The following DCC variants were observed in gnomAD, a reference collection of about 807,000 sequenced individuals.
The protein encoded by DCC is netrin receptor DCC.
Under a neutral mutation model 172.5 loss-of-function variants are expected in DCC, and 58 were observed. The ratio of observed to expected loss-of-function variants is 0.34; its 90% CI spans 0.27 to 0.42. DCC has a LOEUF of 0.42. DCC is among the 10% of genes least tolerant of loss of function. The pLI is 1.00. For missense variants in DCC, 1,740 were observed against 1,791.0 expected (o/e 0.97, Z 0.51); for synonymous variants, 709 against 644.5 (o/e 1.10, Z -1.52).
At chr18:52,886,601 G>A (rs939306414) in intron 2 of DCC, among the ~76,000 whole-genome samples, 3 of 152,088 alleles carry the variant, frequency 2.0e-5, no homozygotes, top group African/African-American at 7.2e-5. Context: ...CGTATTCGTT[G>A]TCTTTTTTCC....
chr18:53,525,436 G>A (rs947858013), intron 27 of DCC, among the ~76,000 whole-genome samples: 1 of 152,024 alleles, frequency 6.6e-6, no homozygotes, highest in East Asian at 1.9e-4. Context: ...GATCCCTAAA[G>A]TTCAAGAGTG....
chr18:52,692,689 C>T (rs896890398), intron 1 of DCC, among the ~76,000 whole-genome samples: 1 of 152,138 alleles, frequency 6.6e-6, no homozygotes, highest in Non-Finnish European at 1.5e-5. Flanking sequence ...GCCTTGGTCT[C>T]CCAAAGAATT....
intron 15 of DCC, among the ~76,000 whole-genome samples, chr18:53,340,484 G>A (rs1436322038): frequency 6.6e-6 from 1 of 152,078 alleles, no homozygotes; most frequent in East Asian, 1.9e-4. Flanking sequence ...ACTCCATCCT[G>A]CATGTTTCCC....
At chr18:53,485,070 C>T (rs2045885692) in intron 25 of DCC, among the ~76,000 whole-genome samples, 1 of 151,906 alleles carries the variant, frequency 6.6e-6, no homozygotes, top group Admixed American at 6.6e-5. Context: ...GAGACCTAAC[C>T]TACAGCATGA....
chr18:52,504,700 G>C (rs772691520), intron 1 of DCC, among the ~76,000 whole-genome samples: 1 of 151,886 alleles, frequency 6.6e-6, no homozygotes, highest in South Asian at 2.1e-4. Context: ...TTATCTGCTC[G>C]GGTGTTACCA....
intron 2 of DCC, among the ~76,000 whole-genome samples, chr18:52,807,119 C>T (rs576338182): frequency 9.2e-5 from 14 of 152,260 alleles, no homozygotes; most frequent in East Asian, 3.9e-4. Flanking sequence ...CGCTTGAGCG[C>T]GGGAGGTGGA....
At chr18:52,462,275 G>A (rs1598837774) in intron 1 of DCC, among the ~76,000 whole-genome samples, 1 of 152,024 alleles carries the variant, frequency 6.6e-6, no homozygotes, top group South Asian at 2.1e-4. Context: ...ACATTTACAC[G>A]AGGTCCCAGC....
intron 1 of DCC, among the ~76,000 whole-genome samples, chr18:52,432,410 G>A (rs2144472058): frequency 6.6e-6 from 1 of 152,190 alleles, no homozygotes; most frequent in East Asian, 1.9e-4. Flanking sequence ...TTCCTTTTAT[G>A]TTCAAGAGGG....
intron 1 of DCC, among the ~76,000 whole-genome samples, chr18:52,690,237 A>G (rs1371185864): frequency 6.6e-6 from 1 of 152,178 alleles, no homozygotes; most frequent in African/African-American, 2.4e-5. Flanking sequence ...CTGAGTGCTC[A>G]ACACTGTGGG....
At chr18:52,920,296 T>A (rs1457426063) in intron 3 of DCC, among the ~76,000 whole-genome samples, 3 of 151,222 alleles carry the variant, frequency 2.0e-5, no homozygotes, top group South Asian at 2.1e-4. Flanking sequence ...TGAAAAAAAA[T>A]TTGCAAAACA....
chr18:52,585,765 A>G (rs2033654195), intron 1 of DCC, among the ~76,000 whole-genome samples: 1 of 152,204 alleles, frequency 6.6e-6, no homozygotes, highest in African/African-American at 2.4e-5. Context: ...AGAATTTACC[A>G]GCATTAGGGT....
intron 1 of DCC, among the ~76,000 whole-genome samples, chr18:52,463,614 T>A (rs575454379): frequency 1.3e-4 from 20 of 152,184 alleles, no homozygotes; most frequent in Non-Finnish European, 1.8e-4. Context: ...TAGACCCTGG[T>A]CATTCAAACT....
At chr18:53,282,586 A>G (rs1392059109) in intron 12 of DCC, among the ~76,000 whole-genome samples, 2 of 152,180 alleles carry the variant, frequency 1.3e-5, no homozygotes, top group Non-Finnish European at 2.9e-5. Flanking sequence ...GGAGTTTATT[A>G]TACTGAAGCA....
intron 5 of DCC, among the ~76,000 whole-genome samples, chr18:53,014,330 G>A (rs546312609): frequency 3.7e-4 from 56 of 151,944 alleles, no homozygotes; most frequent in African/African-American, 9.9e-4. Flanking sequence ...TGTGCACAAC[G>A]TGCAGGTTAG....
intron 7 of DCC, among the ~76,000 whole-genome samples, chr18:53,135,054 T>C (rs932687223): frequency 1.5e-4 from 23 of 152,162 alleles, no homozygotes; most frequent in African/African-American, 5.5e-4. Flanking sequence ...CTAGAAACTC[T>C]TATTCATTTG....
intron 23 of DCC, among the ~76,000 whole-genome samples, chr18:53,455,963 T>C (rs558944526): frequency 6.6e-6 from 1 of 152,340 alleles, no homozygotes; most frequent in Middle Eastern, 3.4e-3. Flanking sequence ...TAAATAAGTG[T>C]TGTAAAACAA....
Position 52,716,876 on chromosome 18 carries a change from G to T in DCC, c.92-35178G>T, listed in dbSNP as rs147532429. On this transcript the variant is annotated intron_variant, in intron 1 of 28. Transcript: ENST00000442544. ...GTTCTAAAATTTGCACTTTTTGATT[G>T]TTCTTTAAAGATGGCCCTGAGGCAT... Among the ~76,000 whole-genome samples, 28 of 152,200 alleles carry T rather than the reference G, an allele frequency of 1.8e-4. No homozygotes were observed. In the East Asian group the frequency reaches 5.2e-3, roughly 28 times the overall value.
At position 52,737,832 on chromosome 18, in the gene DCC, C is replaced by A. The variant is rs950680617; in HGVS notation, c.92-14222C>A. 3.9e-5 allele frequency among the ~76,000 whole-genome samples: 6 copies of A among 152,208 alleles called. 1 individual carries two copies. The South Asian group carries it at 1.0e-3, about 26-fold the overall frequency. On this transcript the variant is annotated intron_variant, in intron 1 of 28. Coordinates refer to ENST00000442544, the MANE Select transcript of DCC (RefSeq NM_005215.4). ...CAGCCAACAGACCAATCTTTTAAAGCTTATAAATGCTAAATCTATTACCAA... is the reference window on the plus strand; with the variant it reads ...CAGCCAACAGACCAATCTTTTAAAGATTATAAATGCTAAATCTATTACCAA...
intron 12 of DCC, among the ~76,000 whole-genome samples, chr18:53,290,616 G>A (rs958903839): frequency 3.3e-5 from 5 of 151,924 alleles, no homozygotes; most frequent in Non-Finnish European, 7.4e-5. Context: ...ATAGGCCGCT[G>A]TTAATAGCCA....
Sources: gnomAD v4.1 joint callset for allele counts (sites outside exome capture counted in the v4.1 genomes callset) on GRCh38, gnomAD v4.1.1 for gene constraint, MANE v1.5 for transcripts, NCBI Gene and HGNC (gene_info 2026-07-23, HGNC 2026-07-21) for gene names.